The following KCNN2 variants were observed in gnomAD, a reference collection of about 807,000 sequenced individuals.
KCNN2 encodes potassium calcium-activated channel subfamily N member 2.
Under a neutral mutation model 55.5 loss-of-function variants are expected in KCNN2, and 24 were observed. The ratio of observed to expected loss-of-function variants is 0.43; its 90% confidence interval spans 0.31 to 0.61. The LOEUF (loss-of-function observed/expected upper bound fraction) is 0.61. KCNN2 is among the 20% of genes least tolerant of loss of function. KCNN2 has a pLI of 0.08. For missense variants in KCNN2, 754 were observed against 853.6 expected, an observed-to-expected ratio of 0.88 and a Z score of 1.45; for synonymous variants, 431 against 336.1, an observed-to-expected ratio of 1.28 and a Z score of -3.09.
chr5:114,133,137 G>A (rs1752104575), intron 1 of KCNN2, among the ~76,000 whole-genome samples: 1 of 152,060 alleles, frequency 6.6e-6, no homozygotes, highest in Admixed American at 6.5e-5. Context: ...TATGTAATTA[G>A]GGCATTAGTT....
At chr5:114,158,333 G>A (rs544059040) in intron 1 of KCNN2, among the ~76,000 whole-genome samples, 1 of 152,280 alleles carries the variant, frequency 6.6e-6, no homozygotes, top group South Asian at 2.1e-4. Context: ...CATTATTTCT[G>A]AGGGCTCTGT....
At position 114,272,395 on chromosome 5, in the gene KCNN2, A is replaced by G. The variant is rs898411055; in HGVS notation, c.-185+50830A>G. 3.9e-5 allele frequency among the ~76,000 whole-genome samples: 4 copies of G among 103,246 alleles called. No homozygotes were observed. The South Asian group carries it at 1.5e-3, about 39-fold the overall frequency. 67.7% of individuals were successfully genotyped at this position (103,246 alleles called of 152,430 possible). ...CATATGTATGTACATATATACACAC[A>G]TATATGTATGTACATATCTACACAC... On this transcript the variant is annotated intron_variant, in intron 2 of 10. Coordinates refer to the KCNN2 transcript ENST00000512097.
intron 5 of KCNN2, among the ~76,000 whole-genome samples, chr5:114,476,764 T>C (rs1409894717): frequency 1.3e-5 from 2 of 152,142 alleles, no homozygotes; most frequent in Non-Finnish European, 2.9e-5. Context: ...TAAATAAAGA[T>C]ATTAATGTTA....
intron 1 of KCNN2, among the ~76,000 whole-genome samples, chr5:114,175,469 C>A (rs547549943): frequency 6.6e-6 from 1 of 152,164 alleles, no homozygotes; most frequent in African/African-American, 2.4e-5. Flanking sequence ...TTTATAATCA[C>A]ATATGGTGGG....
intron 1 of KCNN2, among the ~76,000 whole-genome samples, chr5:114,113,069 T>C (rs1243473168): frequency 2.0e-5 from 3 of 152,070 alleles, no homozygotes; most frequent in African/African-American, 7.2e-5. Context: ...ATGGAACCAT[T>C]GAGGGCCAGG....
At chr5:114,100,266 G>GA (rs1204596285) in intron 1 of KCNN2, among the ~76,000 whole-genome samples, 1 of 151,860 alleles carries the variant, frequency 6.6e-6, no homozygotes, top group Non-Finnish European at 1.5e-5. Context: ...CTACAAAGAA[G>GA]AAAAAAATAG....
chr5:114,434,772 G>T (rs1390752426), intron 3 of KCNN2, among the ~76,000 whole-genome samples: 1 of 152,136 alleles, frequency 6.6e-6, no homozygotes, highest in African/African-American at 2.4e-5. Context: ...CAACAGTAAG[G>T]CTAGAAGGGG....
Position 114,363,086 on chromosome 5 carries a change from G to A in KCNN2, c.947G>A (p.Ser316Asn). The A allele has an allele frequency of 6.2e-7, 1 of 1,611,636 alleles. No homozygotes were observed. The highest frequency in any genetic ancestry group is 8.5e-7 in the Non-Finnish European group (1 of 1,179,804). The change falls in exon 1 of 8, where the codon AGC becomes AAC. Residue 316 changes from serine (S) to asparagine (N), a missense_variant. This residue lies in a region of KCNN2 where 381 missense variants were observed against 259.1 expected (regional missense o/e 1.47). Transcript: ENST00000673685. ...GGTGGCGGGAGCGGGCACGGCAGCA[G>A]CAGTGGCACCAAGTCCAGCAAAAAG... ...GGGGGSGHGS[S>N]SGTKSSKKKN...
At chr5:114,070,693 A>G (rs1414238446) in intron 1 of KCNN2, among the ~76,000 whole-genome samples, 2 of 152,204 alleles carry the variant, frequency 1.3e-5, no homozygotes, top group Admixed American at 6.5e-5. Flanking sequence ...TTAAGCCCTA[A>G]TATTTTATCA....
At chr5:114,480,422 C>T (rs1450325215) in intron 5 of KCNN2, among the ~76,000 whole-genome samples, 1 of 152,108 alleles carries the variant, frequency 6.6e-6, no homozygotes, top group Non-Finnish European at 1.5e-5. Flanking sequence ...TGAATTTTAC[C>T]AGAGGCACGA....
At chr5:114,279,858 C>T (rs1456491272) in intron 2 of KCNN2, among the ~76,000 whole-genome samples, 1 of 152,080 alleles carries the variant, frequency 6.6e-6, no homozygotes, top group African/African-American at 2.4e-5. Context: ...AGTTCTAGAT[C>T]CTCGAGGAAT....
chr5:114,310,889 G>A (rs1218181967), intron 2 of KCNN2, among the ~76,000 whole-genome samples: 1 of 152,096 alleles, frequency 6.6e-6, no homozygotes, highest in African/African-American at 2.4e-5. Flanking sequence ...CTGGGAGCGA[G>A]TGTGTACCAG....
intron 1 of KCNN2, among the ~76,000 whole-genome samples, chr5:114,061,502 T>C (rs1750329714): frequency 6.6e-6 from 1 of 152,126 alleles, no homozygotes; most frequent in African/African-American, 2.4e-5. Flanking sequence ...AAGGCAAAAG[T>C]GTCTCATGCA....
At chr5:114,185,548 G>A (rs938688984) in intron 1 of KCNN2, among the ~76,000 whole-genome samples, 2 of 152,156 alleles carry the variant, frequency 1.3e-5, no homozygotes, top group African/African-American at 4.8e-5. Flanking sequence ...AGGGAACTCT[G>A]GCCTTGTGGA....
intron 2 of KCNN2, among the ~76,000 whole-genome samples, chr5:114,333,956 G>T (rs1756873722): frequency 6.6e-6 from 1 of 151,972 alleles, no homozygotes; most frequent in Non-Finnish European, 1.5e-5. Context: ...GTCATTTAGG[G>T]TGGATAACTT....
chr5:114,078,886 T>C (rs564326853), intron 1 of KCNN2, among the ~76,000 whole-genome samples: 1 of 152,190 alleles, frequency 6.6e-6, no homozygotes, highest in Non-Finnish European at 1.5e-5. Context: ...GCTGATATCA[T>C]GTGCAGATGG....
intron 1 of KCNN2, among the ~76,000 whole-genome samples, chr5:114,089,776 A>G (rs1751097645): frequency 6.6e-6 from 1 of 152,220 alleles, no homozygotes; most frequent in African/African-American, 2.4e-5. Flanking sequence ...GCTTTTGTTT[A>G]TAATGGCACA....
chr5:114,111,961 A>G (rs1438124014), intron 1 of KCNN2, among the ~76,000 whole-genome samples: 1 of 152,220 alleles, frequency 6.6e-6, no homozygotes, highest in Non-Finnish European at 1.5e-5. Flanking sequence ...CATTTGACCC[A>G]GCCATCCCAT....
intron 1 of KCNN2, among the ~76,000 whole-genome samples, chr5:114,196,152 A>G (rs1753551999): frequency 6.6e-6 from 1 of 151,970 alleles, no homozygotes. Context: ...TTCTATTAAT[A>G]TAATATATTA....
Sources: gnomAD v4.1 joint callset for allele counts (sites outside exome capture counted in the v4.1 genomes callset) on GRCh38, gnomAD v4.1.1 for gene constraint, gnomAD v4.1.1 regional missense constraint, MANE v1.5 for transcripts, NCBI Gene and HGNC (gene_info 2026-07-23, HGNC 2026-07-21) for gene names.